ZBTB7C: variants seen among roughly 807,000 people sequenced by gnomAD.
ZBTB7C encodes the protein zinc finger and BTB domain-containing protein 7C.
A neutral mutation model predicts 25.7 loss-of-function variants in ZBTB7C; 8 were observed. That is an observed-to-expected ratio of 0.31 (90% CI 0.18 to 0.56). The LOEUF (loss-of-function observed/expected upper bound fraction) is 0.56. Ranked by LOEUF, ZBTB7C falls within the 20% of genes least tolerant of loss-of-function variation. The pLI, the probability that ZBTB7C is intolerant of heterozygous loss-of-function variation, is 0.91. For synonymous variants in ZBTB7C, 394 were observed against 369.0 expected, an observed-to-expected ratio of 1.07 and a Z score of -0.78; for missense variants, 824 against 855.2, an observed-to-expected ratio of 0.96 and a Z score of 0.46.
intron 3 of ZBTB7C, among the ~76,000 whole-genome samples, chr18:48,135,139 T>C (rs1465887372): frequency 6.6e-6 from 1 of 152,180 alleles, no homozygotes; most frequent in East Asian, 1.9e-4. Flanking sequence ...TTACTATTAC[T>C]ATTACTATTC....
chr18:48,147,385 G>A (rs1048626100), intron 3 of ZBTB7C, among the ~76,000 whole-genome samples: 5 of 152,058 alleles, frequency 3.3e-5, no homozygotes, highest in East Asian at 1.9e-4. Context: ...GCCCTGCTTC[G>A]GTAATTTTTA....
chr18:48,406,763 A>C (rs1043682741), intron 1 of ZBTB7C, among the ~76,000 whole-genome samples: 4 of 152,334 alleles, frequency 2.6e-5, no homozygotes, highest in Non-Finnish European at 4.4e-5. Context: ...CTTGCAAGTC[A>C]TTTCTGACTA....
chr18:48,233,717 G>A (rs1463381934), intron 2 of ZBTB7C, among the ~76,000 whole-genome samples: 1 of 152,192 alleles, frequency 6.6e-6, no homozygotes, highest in African/African-American at 2.4e-5. Flanking sequence ...GTTTTTAAAT[G>A]GGTGTTCATA....
At chr18:48,296,615 G>A (rs1185726761) in intron 2 of ZBTB7C, among the ~76,000 whole-genome samples, 1 of 152,178 alleles carries the variant, frequency 6.6e-6, no homozygotes, top group Non-Finnish European at 1.5e-5. Flanking sequence ...CTCTCCCACA[G>A]CACGTTCCCG....
chr18:48,358,066 A>T (rs921724736), intron 1 of ZBTB7C, among the ~76,000 whole-genome samples: 1 of 152,184 alleles, frequency 6.6e-6, no homozygotes, highest in Non-Finnish European at 1.5e-5. Context: ...AGTGTGTGGT[A>T]GGGACCGGAT....
chr18:48,155,491 C>T lies in ZBTB7C; in HGVS notation c.-17+30443G>A, dbSNP rs2040814572. On this transcript the variant is annotated intron_variant, in intron 3 of 4. Coordinates refer to ENST00000590800, the MANE Select transcript of ZBTB7C (RefSeq NM_001318841.2). ...TACAGGTGCCCGCCACTACACCCGG[C>T]TAATTTTTTGTATTTTTTTTTTTTT... is the stretch of plus-strand genomic sequence containing the variant. 1.3e-5 allele frequency among the ~76,000 whole-genome samples: 2 copies of T among 149,696 alleles called. 1 individual carries two copies. The highest frequency in any genetic ancestry group is 4.2e-4 in the South Asian group (2 of 4,754).
chr18:48,360,421 G>A (rs1162707293), intron 1 of ZBTB7C, among the ~76,000 whole-genome samples: 1 of 152,234 alleles, frequency 6.6e-6, no homozygotes, highest in Admixed American at 6.5e-5. Context: ...CTTATGGCAT[G>A]TGAAAAATCA....
intron 3 of ZBTB7C, among the ~76,000 whole-genome samples, chr18:48,051,026 C>T (rs1024042403): frequency 2.1e-5 from 2 of 95,970 alleles, no homozygotes; most frequent in Admixed American, 9.9e-5. Flanking sequence ...ACAGAGGTCC[C>T]AAACCTCCTG....
chr18:48,237,211 A>G (rs1216765535), intron 2 of ZBTB7C, among the ~76,000 whole-genome samples: 6 of 152,194 alleles, frequency 3.9e-5, no homozygotes, highest in Non-Finnish European at 1.5e-5. Flanking sequence ...TGGGGATGAA[A>G]TTTGAAAGGA....
intron 3 of ZBTB7C, among the ~76,000 whole-genome samples, chr18:48,100,001 C>T (rs1436428272): frequency 6.6e-6 from 1 of 152,202 alleles, no homozygotes; most frequent in African/African-American, 2.4e-5. Context: ...AGAGCCACTC[C>T]TGGAGTGGGG....
In ZBTB7C at chr18:48,067,964, G is replaced by A. The variant is rs143632511; in HGVS notation, c.-16-26841C>T. ...TGCAGTGAGCCAAGATTGCACCATT[G>A]CACTCCGGCCTGGGCAATAAGAGTG... On this transcript the variant is annotated intron_variant, in intron 3 of 4. Coordinates refer to ENST00000590800, the MANE Select transcript of ZBTB7C (RefSeq NM_001318841.2). Among the ~76,000 whole-genome samples the A allele has an allele frequency of 7.3e-3, 1,105 of 152,072 alleles. 18 individuals carry two copies. The highest frequency in any genetic ancestry group is 0.024 in the African/African-American group (1,003 of 41,490).
At chr18:48,261,516 T>C (rs1196869436) in intron 2 of ZBTB7C, among the ~76,000 whole-genome samples, 2 of 152,246 alleles carry the variant, frequency 1.3e-5, no homozygotes, top group African/African-American at 2.4e-5. Context: ...ACTAAGTCAC[T>C]GGCTCCAGAG....
chr18:48,189,421 GA>G lies in ZBTB7C; in HGVS notation c.-78-3427del, dbSNP rs200522106. Among the ~76,000 whole-genome samples, 156 of 148,952 alleles carry G rather than the reference GA, an allele frequency of 1.0e-3. 1 individual carries two copies. Among genetic ancestry groups the G allele is most frequent in the South Asian group, 6.0e-3 (28 of 4,686 alleles). On this transcript the variant is annotated intron_variant, in intron 2 of 4. Coordinates refer to ENST00000590800, the MANE Select transcript of ZBTB7C (RefSeq NM_001318841.2). ...CAAAAATAATGTTAGAAGTAAAAAA[GA>G]AAAAAAAAATCCAGGCTTTGGAGAC...
At chr18:48,306,333 G>A (rs904918376) in intron 2 of ZBTB7C, among the ~76,000 whole-genome samples, 1 of 152,124 alleles carries the variant, frequency 6.6e-6, no homozygotes, top group African/African-American at 2.4e-5. Context: ...TGGAAGAAGG[G>A]ACCCAATTCT....
chr18:48,096,343 T>C (rs2038632063), intron 3 of ZBTB7C, among the ~76,000 whole-genome samples: 1 of 152,178 alleles, frequency 6.6e-6, no homozygotes, highest in Non-Finnish European at 1.5e-5. Context: ...AGCTCTGAAA[T>C]GCTCAGGGCA....
At chr18:48,301,339 T>C (rs530018945) in intron 2 of ZBTB7C, among the ~76,000 whole-genome samples, 1 of 151,932 alleles carries the variant, frequency 6.6e-6, no homozygotes, top group Non-Finnish European at 1.5e-5. Context: ...ATTAGCCGAG[T>C]GTGGTGGCAC....
intron 1 of ZBTB7C, among the ~76,000 whole-genome samples, chr18:48,361,099 A>G (rs16949125): frequency 0.058 from 8,755 of 152,146 alleles, 365 homozygotes; most frequent in East Asian, 0.18. Context: ...TGCAATGAGC[A>G]TGGTGGGGTA....
At chr18:48,268,059 C>T (rs958728520) in intron 2 of ZBTB7C, among the ~76,000 whole-genome samples, 15 of 152,158 alleles carry the variant, frequency 9.9e-5, no homozygotes, top group Admixed American at 5.2e-4. Context: ...ATATATCAGC[C>T]GTTTTGGCAA....
chr18:48,328,413 C>G (rs1300597530), intron 2 of ZBTB7C, among the ~76,000 whole-genome samples: 2 of 152,142 alleles, frequency 1.3e-5, no homozygotes, highest in African/African-American at 4.8e-5. Context: ...TTCACTCTCT[C>G]ATAGAAGTTA....
Sources: gnomAD v4.1 joint callset for allele counts (sites outside exome capture counted in the v4.1 genomes callset) on GRCh38, gnomAD v4.1.1 for gene constraint, MANE v1.5 for transcripts, NCBI Gene and HGNC (gene_info 2026-07-23, HGNC 2026-07-21) for gene names.